RTN4: variants seen among roughly 807,000 people sequenced by gnomAD.
RTN4 encodes the protein reticulon-4.
In RTN4, 32 loss-of-function variants were observed where a neutral mutation model predicts 90.4. The ratio of observed to expected loss-of-function variants is 0.35; its 90% CI spans 0.27 to 0.48. The LOEUF is 0.48. RTN4 is among the 20% of genes least tolerant of loss of function. The pLI is 0.99. For synonymous variants in RTN4, 629 were observed against 552.5 expected (o/e 1.14, Z -1.94); for missense variants, 1,706 against 1,430.2 (o/e 1.19, Z -3.11).
At chr2:55,046,843 A>C (rs1436858953) in intron 1 of RTN4, 2 of 152,246 alleles carry the variant, frequency 1.3e-5, no homozygotes, top group African/African-American at 4.8e-5. Context: ...CCCAATAGGT[A>C]TCATCAATAT....
At chr2:55,073,614 T>A (rs2105019755) in intron 2 of RTN4, among the ~76,000 whole-genome samples, 1 of 152,326 alleles carries the variant, frequency 6.6e-6, no homozygotes, top group Middle Eastern at 3.4e-3. Context: ...ACTATGTCAA[T>A]GTGCAAATTT....
At chr2:54,985,494 C>T (rs948193708) in intron 4 of RTN4, among the ~76,000 whole-genome samples, 1 of 152,146 alleles carries the variant, frequency 6.6e-6, no homozygotes, top group African/African-American at 2.4e-5. Flanking sequence ...TTTCAAGTTA[C>T]TGAATTCCAA....
intron 1 of RTN4, among the ~76,000 whole-genome samples, chr2:55,100,283 G>A (rs910238547): frequency 2.6e-5 from 4 of 152,062 alleles, no homozygotes; most frequent in East Asian, 1.9e-4. Context: ...AGCCACATTC[G>A]TCTTGTCTTT....
At chr2:55,081,760 G>C (rs1249391490) in intron 1 of RTN4, among the ~76,000 whole-genome samples, 3 of 151,272 alleles carry the variant, frequency 2.0e-5, no homozygotes, top group Non-Finnish European at 4.4e-5. Context: ...CTACTCAGGA[G>C]GCTGAGGCTG....
At chr2:55,119,690 G>C in the RTN4 span, among the ~76,000 whole-genome samples, 2 of 152,170 alleles carry the variant, frequency 1.3e-5, no homozygotes, top group South Asian at 4.1e-4. Context: ...AAAGATCAGG[G>C]AGAGAAGTCA....
At chr2:55,063,152 A>G (rs1376085283) in intron 2 of RTN4, among the ~76,000 whole-genome samples, 1 of 152,246 alleles carries the variant, frequency 6.6e-6, no homozygotes, top group Non-Finnish European at 1.5e-5. Flanking sequence ...CAGCAGTTGA[A>G]CCAATTCCTG....
chr2:55,063,167 A>T (rs1021836090), intron 2 of RTN4, among the ~76,000 whole-genome samples: 1 of 152,268 alleles, frequency 6.6e-6, no homozygotes. Context: ...TTCCTGACAC[A>T]GCAAAGAAGA....
Position 54,972,989 on chromosome 2 carries a change from G to T in RTN4, c.*167C>A, listed in dbSNP as rs372588070. ...AAGATGATGAACACATGGCAGTCAA[G>T]ACAGGTAATTTTTCCTCACAACAGT... On this transcript the variant is annotated 3_prime_UTR_variant, in exon 9 of 9. Transcript: ENST00000337526. 460 of 540,436 alleles carry T rather than the reference G, an allele frequency of 8.5e-4. 2 individuals carry two copies. The highest frequency in any genetic ancestry group is 8.1e-3 in the African/African-American group (433 of 53,288). 33.5% of individuals were successfully genotyped at this position (540,436 alleles called of 1,614,324 possible).
chr2:55,110,411 C>T (rs939481196), intron 1 of RTN4, among the ~76,000 whole-genome samples: 3 of 152,000 alleles, frequency 2.0e-5, no homozygotes, highest in Admixed American at 6.6e-5. Flanking sequence ...CCCTGAGTAC[C>T]CCTTCTCACC....
intron 3 of RTN4, among the ~76,000 whole-genome samples, chr2:55,018,053 G>A (rs1014123251): frequency 2.0e-5 from 3 of 152,136 alleles, no homozygotes; most frequent in Non-Finnish European, 2.9e-5. Flanking sequence ...TCTGAAACAC[G>A]GCAGAAGCTC....
At chr2:55,006,584 T>G (rs751747863) in intron 3 of RTN4, among the ~76,000 whole-genome samples, 6 of 152,162 alleles carry the variant, frequency 3.9e-5, no homozygotes, top group African/African-American at 9.7e-5. Context: ...ATAATTATAT[T>G]GAGTTTTAAT....
upstream of RTN4, among the ~76,000 whole-genome samples, chr2:55,113,902 C>T (rs114269669): frequency 2.7e-4 from 41 of 152,322 alleles, no homozygotes; most frequent in African/African-American, 9.6e-4. Flanking sequence ...TGGCCAAAAA[C>T]AGAATATCAA....
intron 5 of RTN4, among the ~76,000 whole-genome samples, chr2:54,975,452 G>T (rs1404496408): frequency 6.6e-6 from 1 of 150,552 alleles, no homozygotes; most frequent in South Asian, 2.1e-4. Context: ...AATGAAAAGG[G>T]GAGTAGTAGA....
rs1358499095 is a variant in RTN4 at position 55,084,468 on chromosome 2, G to A, written c.-213-3829C>T. 7.9e-5 allele frequency among the ~76,000 whole-genome samples: 12 copies of A among 152,128 alleles called. No homozygotes were observed. The East Asian group carries it at 1.7e-3, about 22-fold the overall frequency. ...GAATTGCATCCTGTTATAATAACAGGTAAACAAAAGTAAAGAGTTCTCTGA... is the reference window on the plus strand; with the variant it reads ...GAATTGCATCCTGTTATAATAACAGATAAACAAAAGTAAAGAGTTCTCTGA... On this transcript the variant is annotated intron_variant, in intron 1 of 3. Coordinates refer to the RTN4 transcript ENST00000427710.
chr2:55,024,689 C>G (rs1339750982), intron 3 of RTN4, among the ~76,000 whole-genome samples: 2 of 151,996 alleles, frequency 1.3e-5, no homozygotes, highest in Non-Finnish European at 2.9e-5. Flanking sequence ...TAGAAATTTT[C>G]TTTAAAAATT....
intron 1 of RTN4, among the ~76,000 whole-genome samples, chr2:55,092,963 T>A (rs1163757392): frequency 2.0e-5 from 3 of 152,280 alleles, no homozygotes; most frequent in Non-Finnish European, 4.4e-5. Context: ...AAAAATTCAC[T>A]TTTTCACTTA....
chr2:55,113,651 G>T (rs1668076441), upstream of RTN4, among the ~76,000 whole-genome samples: 1 of 152,120 alleles, frequency 6.6e-6, no homozygotes, highest in Non-Finnish European at 1.5e-5. Context: ...TAAGTAAATT[G>T]GCTCTATCAG....
At chr2:54,988,652 G>A (rs542741209) in intron 3 of RTN4, among the ~76,000 whole-genome samples, 5 of 152,184 alleles carry the variant, frequency 3.3e-5, no homozygotes, top group South Asian at 2.1e-4. Context: ...ACAGCCTTTC[G>A]ATTACCTGAA....
chr2:55,054,038 A>G (rs551064260), upstream of RTN4, among the ~76,000 whole-genome samples: 87 of 152,366 alleles, frequency 5.7e-4, no homozygotes, highest in African/African-American at 2.0e-3. Flanking sequence ...TGGATACACT[A>G]AAAGGGTGAC....
Sources: gnomAD v4.1 joint callset for allele counts (sites outside exome capture counted in the v4.1 genomes callset) on GRCh38, gnomAD v4.1.1 for gene constraint, MANE v1.5 for transcripts, NCBI Gene and HGNC (gene_info 2026-07-23, HGNC 2026-07-21) for gene names.